Variants in THSD7A observed in about 807,000 individuals in gnomAD.
THSD7A encodes thrombospondin type 1 domain containing 7A.
THSD7A carries 96 observed loss-of-function variants against 231.3 expected under a neutral mutation model. That is an observed-to-expected ratio of 0.41 (90% CI 0.35 to 0.49). THSD7A has a LOEUF of 0.49. Among genes scored for constraint, THSD7A ranks in the 20% least tolerant of loss-of-function variants. The probability of loss-of-function intolerance (pLI) is 0.05; values close to 1 mark genes in which losing one functional copy is unlikely to be tolerated. For synonymous variants in THSD7A, 940 were observed against 743.3 expected, an observed-to-expected ratio of 1.26 and a Z score of -4.30; for missense variants, 2,290 against 2,070.2, an observed-to-expected ratio of 1.11 and a Z score of -2.06.
chr7:11,590,639 T>A lies in THSD7A; in HGVS notation c.1274A>T (p.Tyr425Phe), dbSNP rs756843717. 6.2e-7 allele frequency: 1 copy of A among 1,601,856 alleles called. No individual in the cohort carries two copies. Among genetic ancestry groups the A allele is most frequent in the South Asian group, 1.1e-5 (1 of 89,208 alleles). The change falls in exon 4 of 28, where the codon TAT (tyrosine) becomes TTT (phenylalanine). Residue 425 changes from tyrosine (Y) to phenylalanine (F), a missense_variant and splice_region_variant. Physicochemically the swap from Tyr to Phe is conservative, Grantham distance 22. Transcript: ENST00000423059. This position sits in a 1 kb window ranked among gnomAD's most constrained non-coding sequence, Gnocchi z 4.4. ...AGTCCACTCTGTAGTTCTCCAGCCA[T>A]ACCTAAATAAAGACAACACCACCAG... The part of the protein sequence containing the change: ...QGDGVVPCAT[Y>F]GWRTTEWTEC...
At chr7:11,648,637 CGTGTGTGTGT>C (rs3031455) in intron 1 of THSD7A, among the ~76,000 whole-genome samples, 4 of 141,060 alleles carry the variant, frequency 2.8e-5, no homozygotes, top group South Asian at 4.6e-4. Flanking sequence ...TATTTTGTGG[CGTGTGTGTGT>C]GTGTGTGTGT....
chr7:11,501,707 T>C (rs1787343003), intron 6 of THSD7A, among the ~76,000 whole-genome samples: 1 of 151,994 alleles, frequency 6.6e-6, no homozygotes, highest in Admixed American at 6.6e-5. Flanking sequence ...CAATGTAACT[T>C]TACAACTGAA....
chr7:11,468,539 A>G (rs1434788698), intron 9 of THSD7A, among the ~76,000 whole-genome samples: 1 of 152,068 alleles, frequency 6.6e-6, no homozygotes, highest in Non-Finnish European at 1.5e-5. Flanking sequence ...GTCTTAAAAG[A>G]CTCCTAAATA....
chr7:11,761,441 T>C (rs1160456877), intron 1 of THSD7A, among the ~76,000 whole-genome samples: 2 of 152,102 alleles, frequency 1.3e-5, no homozygotes, highest in Admixed American at 6.6e-5. Flanking sequence ...GTTTTCATCA[T>C]GCATATCTTT....
chr7:11,481,772 G>A lies in THSD7A; in HGVS notation c.2017+16C>T, dbSNP rs771705857. 2.0e-5 allele frequency: 31 copies of A among 1,582,318 alleles called. No homozygotes were observed. In the East Asian group the frequency reaches 7.0e-4, roughly 36 times the overall value. On this transcript the variant is annotated intron_variant, in intron 7 of 27. Coordinates refer to ENST00000423059, the MANE Select transcript of THSD7A (RefSeq NM_015204.3). Reference sequence around the variant, plus strand: ...TTTGAAACGAACCTAGATGGCGTCTGAAGCTGGCGACTCACCTTCTTCACC... The same window carrying A: ...TTTGAAACGAACCTAGATGGCGTCTAAAGCTGGCGACTCACCTTCTTCACC...
intron 1 of THSD7A, among the ~76,000 whole-genome samples, chr7:11,703,724 C>T (rs1253602711): frequency 6.6e-6 from 1 of 151,110 alleles, no homozygotes; most frequent in Admixed American, 6.6e-5. Flanking sequence ...TTAACATAAA[C>T]CCATTATATA....
intron 19 of THSD7A, among the ~76,000 whole-genome samples, chr7:11,410,175 T>C (rs146219163): frequency 6.8e-4 from 103 of 152,374 alleles, no homozygotes; most frequent in African/African-American, 2.3e-3. Context: ...TACAAGGTTA[T>C]TGCAGGAGGC....
At chr7:11,486,676 C>G (rs1314605504) in intron 6 of THSD7A, among the ~76,000 whole-genome samples, 1 of 152,184 alleles carries the variant, frequency 6.6e-6, no homozygotes, top group African/African-American at 2.4e-5. Context: ...CATTTAGAAT[C>G]CTCCTTATGC....
rs772750076 is a variant in THSD7A at position 11,543,109 on chromosome 7, G to A, written c.1462C>T (p.Pro488Ser). Residue 488 changes from proline to serine, a missense_variant, in exon 5 of 28, where the codon CCA becomes TCA. Physicochemically the swap from Pro to Ser is moderately conservative, Grantham distance 74 (BLOSUM62 -1). Transcript: ENST00000423059. ...STHKNKEASK[P>S]MDLKLCTGPI... ...CCAGTGCATAATTTTAAGTCCATTG[G>A]CTTTGAGGCTAGAGAAAAATACAGA... 1.2e-6 allele frequency: 2 copies of A among 1,609,668 alleles called. No individual in the cohort carries two copies. Among genetic ancestry groups the A allele is most frequent in the South Asian group, 2.2e-5 (2 of 89,984 alleles).
intron 1 of THSD7A, among the ~76,000 whole-genome samples, chr7:11,829,861 T>A (rs557889316): frequency 1.5e-4 from 23 of 152,302 alleles, no homozygotes; most frequent in African/African-American, 4.8e-4. Flanking sequence ...ACTATTTTTT[T>A]TTTTTACCAA....
chr7:11,766,692 G>A (rs183573547), intron 1 of THSD7A, among the ~76,000 whole-genome samples: 57 of 152,222 alleles, frequency 3.7e-4, no homozygotes, highest in Non-Finnish European at 6.8e-4. Flanking sequence ...TCCAGAATAA[G>A]GAGTGATCTA....
chr7:11,745,947 T>C (rs1782285357), intron 1 of THSD7A, among the ~76,000 whole-genome samples: 1 of 152,138 alleles, frequency 6.6e-6, no homozygotes, highest in Admixed American at 6.6e-5. Flanking sequence ...TGGTTCCATA[T>C]GAACTTTAAA....
intron 1 of THSD7A, among the ~76,000 whole-genome samples, chr7:11,723,519 A>G (rs1781434630): frequency 6.6e-6 from 1 of 151,930 alleles, no homozygotes; most frequent in Non-Finnish European, 1.5e-5. Context: ...TAAATTAAAT[A>G]GTATGTTAAA....
At position 11,752,907 on chromosome 7, in the gene THSD7A, C is replaced by G. The variant is rs777036174; in HGVS notation, c.190+78850G>C. On this transcript the variant is annotated intron_variant, in intron 1 of 27. Coordinates refer to ENST00000423059, the MANE Select transcript of THSD7A (RefSeq NM_015204.3). ...CACCACTGCATTCCAGCCTGGCCAACAAGAGTGAGAGACCCTGTCTCAGTC... is the reference window on the plus strand; with the variant it reads ...CACCACTGCATTCCAGCCTGGCCAAGAAGAGTGAGAGACCCTGTCTCAGTC... Among the ~76,000 whole-genome samples, 4 of 147,820 alleles carry G rather than the reference C, an allele frequency of 2.7e-5. 1 individual carries two copies. Among genetic ancestry groups the G allele is most frequent in the Non-Finnish European group, 6.0e-5 (4 of 67,220 alleles).
intron 1 of THSD7A, among the ~76,000 whole-genome samples, chr7:11,749,058 A>G (rs564109786): frequency 6.6e-6 from 1 of 152,092 alleles, no homozygotes; most frequent in East Asian, 1.9e-4. Flanking sequence ...TTAAACTACA[A>G]TTCAAACAAA....
intron 2 of THSD7A, among the ~76,000 whole-genome samples, chr7:11,602,288 G>A (rs577907565): frequency 6.6e-6 from 1 of 152,166 alleles, no homozygotes; most frequent in South Asian, 2.1e-4. Context: ...ACATGTATGT[G>A]TGTGCATATA....
chr7:11,820,159 G>A (rs1313261584), intron 1 of THSD7A, among the ~76,000 whole-genome samples: 2 of 152,126 alleles, frequency 1.3e-5, no homozygotes, highest in Non-Finnish European at 2.9e-5. Context: ...GGAAGGCAGC[G>A]CCAGGGATGC....
At chr7:11,460,063 T>C (rs552141410) in intron 11 of THSD7A, among the ~76,000 whole-genome samples, 3 of 152,208 alleles carry the variant, frequency 2.0e-5, no homozygotes, top group South Asian at 4.1e-4. Flanking sequence ...TAAATAATTA[T>C]GGCAAAGTTG....
intron 1 of THSD7A, among the ~76,000 whole-genome samples, chr7:11,706,021 T>C (rs1780753429): frequency 6.6e-6 from 1 of 150,986 alleles, no homozygotes; most frequent in African/African-American, 2.4e-5. Context: ...TGGATTATAC[T>C]TTTGCTAATA....
Sources: gnomAD v4.1 joint callset for allele counts (sites outside exome capture counted in the v4.1 genomes callset) on GRCh38, gnomAD v4.1.1 for gene constraint, Gnocchi (gnomAD v3.1) non-coding constraint, MANE v1.5 for transcripts, NCBI Gene and HGNC (gene_info 2026-07-23, HGNC 2026-07-21) for gene names.